IDE: variants seen among roughly 807,000 people sequenced by gnomAD.
The protein encoded by IDE is insulin-degrading enzyme.
A neutral mutation model predicts 133.2 loss-of-function variants in IDE; 58 were observed. The ratio of observed to expected loss-of-function variants is 0.44; its 90% CI spans 0.35 to 0.54. The LOEUF (loss-of-function observed/expected upper bound fraction) is 0.54, where lower values mean the gene tolerates loss of function less well. Ranked by LOEUF, IDE falls within the 20% of genes least tolerant of loss-of-function variation. The pLI is 0.00. For missense variants in IDE, 981 were observed against 1,234.0 expected, an observed-to-expected ratio of 0.79 and a Z score of 3.07; for synonymous variants, 396 against 421.3, an observed-to-expected ratio of 0.94 and a Z score of 0.73.
rs549856782 is a variant in IDE, at chr10:92,461,236, T to C, written c.2778A>G (p.Ala926=). 1.4e-6 allele frequency: 2 copies of C among 1,458,682 alleles called. No individual in the cohort carries two copies. The highest frequency in any genetic ancestry group is 2.3e-5 in the East Asian group (1 of 44,170). 90.4% of individuals were successfully genotyped at this position (1,458,682 alleles called of 1,614,324 possible). A position where few individuals can be genotyped will look rare whatever the true frequency, so the allele number is the denominator to read the frequency against. ...CTTCCTTGGTAAGTGTCTTTAAATA[T>C]GCAACCTCAGTGTTATCTGAAAAAG... is the stretch of plus-strand genomic sequence containing the variant. ...YNFDRDNTEV[A]YLKTLTKEDI... is the part of the protein sequence containing the mutation. The change falls in exon 22 of 25, where the codon GCA becomes GCG. Residue 926 remains alanine, a synonymous_variant. Transcript: ENST00000265986.
intron 17 of IDE, among the ~76,000 whole-genome samples, chr10:92,472,285 A>T (rs1846007152): frequency 6.6e-6 from 1 of 152,230 alleles, no homozygotes; most frequent in Non-Finnish European, 1.5e-5. Context: ...GATTCTAACG[A>T]AGGGTGAATA....
chr10:92,544,300 TA>T (rs2135729766), intron 1 of IDE, among the ~76,000 whole-genome samples: 1 of 152,282 alleles, frequency 6.6e-6, no homozygotes, highest in South Asian at 2.1e-4. Flanking sequence ...CTCATTTTTT[TA>T]AAGTGTCATA....
intron 1 of IDE, among the ~76,000 whole-genome samples, chr10:92,568,059 G>A (rs1230331279): frequency 6.6e-6 from 1 of 152,152 alleles, no homozygotes; most frequent in African/African-American, 2.4e-5. Context: ...TATGTTCTCT[G>A]CAAAGCTCTC....
At chr10:92,558,859 T>C (rs1843136647) in intron 1 of IDE, 1 of 151,550 alleles carries the variant, frequency 6.6e-6, no homozygotes, top group Non-Finnish European at 1.5e-5. Flanking sequence ...CCTCCCAAAG[T>C]GCTGGGATTA....
chr10:92,474,592 T>C (rs1439139638), intron 17 of IDE: 1 of 345,418 alleles, frequency 2.9e-6, no homozygotes, highest in Non-Finnish European at 5.4e-6. Flanking sequence ...AGCATATCCA[T>C]CATCTCAAGT....
At chr10:92,510,666 A>G (rs1198067594) in intron 5 of IDE, among the ~76,000 whole-genome samples, 1 of 151,432 alleles carries the variant, frequency 6.6e-6, no homozygotes, top group Non-Finnish European at 1.5e-5. Context: ...TATCACATAC[A>G]TCTCACATAT....
At chr10:92,541,416 C>A in intron 1 of IDE, 1 of 398,912 alleles carries the variant, frequency 2.5e-6, no homozygotes, top group East Asian at 8.8e-5. Context: ...TACTTCAGAT[C>A]ATTAGCATAA....
chr10:92,504,613 T>G (rs1377697208), intron 11 of IDE, among the ~76,000 whole-genome samples, 181 bp downstream of exon 11: 1 of 152,158 alleles, frequency 6.6e-6, no homozygotes, highest in African/African-American at 2.4e-5. Flanking sequence ...GGGTATAGAT[T>G]AAAAAAGACT....
At chr10:92,478,165 C>T (rs12411941) in intron 15 of IDE, among the ~76,000 whole-genome samples, 185 of 152,216 alleles carry the variant, frequency 1.2e-3, no homozygotes, top group East Asian at 8.5e-3. Context: ...TTAATAAATG[C>T]TTATTTTAAA....
intron 6 of IDE, among the ~76,000 whole-genome samples, chr10:92,509,499 A>G (rs1589443798): frequency 1.3e-5 from 2 of 152,228 alleles, no homozygotes; most frequent in East Asian, 1.9e-4. Context: ...AGGCTGAGGC[A>G]GAAGAATTGC....
intron 5 of IDE, among the ~76,000 whole-genome samples, chr10:92,512,399 G>C (rs1378723003): frequency 1.3e-5 from 2 of 152,156 alleles, no homozygotes; most frequent in Non-Finnish European, 2.9e-5. Flanking sequence ...ATGGATCAGA[G>C]AATTGAGACA....
chr10:92,467,900 T>C (rs1010019629), intron 19 of IDE, among the ~76,000 whole-genome samples: 4 of 152,236 alleles, frequency 2.6e-5, no homozygotes, highest in African/African-American at 9.6e-5. Context: ...ATGTTCCAGT[T>C]GCTTTAGAAG....
At chr10:92,565,852 T>C (rs908212056) in intron 1 of IDE, among the ~76,000 whole-genome samples, 1 of 152,184 alleles carries the variant, frequency 6.6e-6, no homozygotes, top group Non-Finnish European at 1.5e-5. Context: ...ACTAAAGATA[T>C]CGTGCTACCT....
In IDE at chr10:92,573,915, C is replaced by T. The variant is rs1447440634; in HGVS notation, c.98+7G>A. 6.9e-7 allele frequency: 1 copy of T among 1,458,560 alleles called. No individual in the cohort carries two copies. The highest frequency in any genetic ancestry group is 9.0e-7 in the Non-Finnish European group (1 of 1,111,220). 90.4% of individuals were successfully genotyped at this position (1,458,560 alleles called of 1,614,324 possible). On this transcript the variant is annotated splice_region_variant and intron_variant, in intron 1 of 24. Coordinates refer to ENST00000265986, the MANE Select transcript of IDE (RefSeq NM_004969.4). The stretch of plus-strand genomic sequence containing the variant: ...GCCCGAGGGCCCGGGCGCTCCATTC[C>T]GCTTACCCACACAGGCGCTCCGGAG...
chr10:92,487,424 A>G (rs1847067649), intron 12 of IDE, 106 bp from the exon 13 acceptor site: 1 of 945,250 alleles, frequency 1.1e-6, no homozygotes, highest in South Asian at 1.7e-5. Context: ...CAAATGTCAC[A>G]CAGCATTGTT....
chr10:92,535,022 C>G (rs1589496267), intron 2 of IDE, among the ~76,000 whole-genome samples: 1 of 152,140 alleles, frequency 6.6e-6, no homozygotes, highest in African/African-American at 2.4e-5. Context: ...CTTAGTGTCT[C>G]TGAACATTAG....
chr10:92,498,486 T>C (rs1847837953), intron 11 of IDE, among the ~76,000 whole-genome samples: 1 of 151,806 alleles, frequency 6.6e-6, no homozygotes, highest in Non-Finnish European at 1.5e-5. Flanking sequence ...CCGGGCATGG[T>C]GGCTCACACC....
chr10:92,456,486 G>T (rs1845014055), intron 22 of IDE, 55 bp from the exon 23 acceptor site: 1 of 1,155,404 alleles, frequency 8.7e-7, no homozygotes, highest in Non-Finnish European at 1.3e-6. Flanking sequence ...AACTTACAAT[G>T]AGGTGTTCTC....
intron 4 of IDE, among the ~76,000 whole-genome samples, chr10:92,517,468 T>A (rs1363856749): frequency 6.6e-6 from 1 of 152,186 alleles, no homozygotes; most frequent in East Asian, 1.9e-4. Context: ...ACTGCAGTGG[T>A]GTAATCACAG....
Sources: allele counts gnomAD v4.1 joint callset (sites outside exome capture counted in the v4.1 genomes callset), GRCh38; gene constraint gnomAD v4.1.1; transcripts MANE v1.5; gene names NCBI Gene and HGNC (gene_info 2026-07-23, HGNC 2026-07-21).